The following RAB2B variants were observed in gnomAD, a reference collection of about 807,000 sequenced individuals.
RAB2B encodes the protein RAB2B, member RAS oncogene family.
RAB2B carries 20 observed loss-of-function variants against 29.8 expected under a neutral mutation model. The ratio of observed to expected loss-of-function variants is 0.67; its 90% CI spans 0.47 to 0.97. The LOEUF (loss-of-function observed/expected upper bound fraction) is 0.97. Ranked by LOEUF, RAB2B falls within the 50% of genes least tolerant of loss-of-function variation. The probability of loss-of-function intolerance (pLI) is 0.00; values close to 1 mark genes in which losing one functional copy is unlikely to be tolerated. For missense variants in RAB2B, 218 were observed against 272.0 expected, an observed-to-expected ratio of 0.80 and a Z score of 1.40; for synonymous variants, 93 against 91.7, an observed-to-expected ratio of 1.01 and a Z score of -0.08.
rs1384176481 is a variant in RAB2B, at chr14:21,459,032, A to C, written c.*2164T>G. 2 of 152,676 alleles carry C rather than the reference A, an allele frequency of 1.3e-5. No individual in the cohort carries two copies. Among genetic ancestry groups the C allele is most frequent in the Non-Finnish European group, 2.9e-5 (2 of 68,054 alleles). The allele number at this position is 152,676 out of a possible 1,614,324, so 9.5% of individuals were successfully genotyped here. On this transcript the variant is annotated 3_prime_UTR_variant, in exon 8 of 8. Transcript: ENST00000397762. ...CATGGAGTATGAATAGCTTTGATAC[A>C]TGCATATATTTAATAATGAAACAAT...
At chr14:21,463,582 A>C in intron 6 of RAB2B, 74 bp downstream of exon 6, 4 of 1,078,306 alleles carry the variant, frequency 3.7e-6, no homozygotes, top group Non-Finnish European at 5.7e-6. Flanking sequence ...TTATAGGAGA[A>C]GAGAATTCTG....
chr14:21,468,278 T>G, intron 5 of RAB2B, 79 bp downstream of exon 5: 3 of 1,155,640 alleles, frequency 2.6e-6, no homozygotes, highest in Non-Finnish European at 3.8e-6. Flanking sequence ...CACTATAAAC[T>G]GAGAAAGTTT....
At chr14:21,469,366 T>C (rs1371845997) in intron 3 of RAB2B, among the ~76,000 whole-genome samples, 1 of 152,202 alleles carries the variant, frequency 6.6e-6, no homozygotes, top group East Asian at 1.9e-4. Context: ...CAAGACTACC[T>C]AGATGTCCCT....
intron 2 of RAB2B, among the ~76,000 whole-genome samples, chr14:21,475,821 T>C (rs1890941073): frequency 1.3e-5 from 2 of 152,242 alleles, no homozygotes; most frequent in South Asian, 2.1e-4. Flanking sequence ...CAGGTTTCCA[T>C]ACAGGTGGGA....
chr14:21,464,741 T>G (rs994489963), intron 5 of RAB2B, among the ~76,000 whole-genome samples: 16 of 152,176 alleles, frequency 1.1e-4, no homozygotes, highest in Admixed American at 4.6e-4. Flanking sequence ...TGGTGGCTCA[T>G]GCCTATAATC....
Position 21,460,059 on chromosome 14 carries a change from G to C in RAB2B, c.*1137C>G. On this transcript the variant is annotated 3_prime_UTR_variant, in exon 8 of 8. Transcript: ENST00000397762. ...CACTAAGAGATAGAAGCTAATAATAGGATAGTAGAGAAGTACTCAGTGCTC... is the reference window on the plus strand; with the variant it reads ...CACTAAGAGATAGAAGCTAATAATACGATAGTAGAGAAGTACTCAGTGCTC... The C allele has an allele frequency of 2.1e-6, 1 of 473,462 alleles. No individual in the cohort carries two copies. The highest frequency in any genetic ancestry group is 3.4e-4 in the Middle Eastern group (1 of 2,934). The allele number at this position is 473,462 out of a possible 1,614,324, so 29.3% of individuals were successfully genotyped here. A position where few individuals can be genotyped will look rare whatever the true frequency, so the allele number is the denominator to read the frequency against.
At chr14:21,468,553 A>G in intron 4 of RAB2B, 104 bp from the exon 5 acceptor site, 1 of 1,311,950 alleles carries the variant, frequency 7.6e-7, no homozygotes, top group African/African-American at 1.5e-5. Context: ...GTAAAGAAAA[A>G]TATTAGAGAG....
At position 21,460,187 on chromosome 14, in the gene RAB2B, AG is replaced by A. The variant is rs759880857; in HGVS notation, c.*1008del. ...AAAACTCAATGAAATTCCGAGGCAG[AG>A]GATCTATCAACCAAAGGCCAACTAG... On this transcript the variant is annotated 3_prime_UTR_variant, in exon 8 of 8. Transcript: ENST00000397762. 1 of 519,046 alleles carries A rather than the reference AG, an allele frequency of 1.9e-6. No homozygotes were observed. The highest frequency in any genetic ancestry group is 3.8e-6 in the Non-Finnish European group (1 of 259,880). The allele number at this position is 519,046 out of a possible 1,614,324, so 32.2% of individuals were successfully genotyped here. A position where few individuals can be genotyped will look rare whatever the true frequency, so the allele number is the denominator to read the frequency against.
At chr14:21,462,067 G>A (rs1366013791) in intron 7 of RAB2B, among the ~76,000 whole-genome samples, 1 of 152,106 alleles carries the variant, frequency 6.6e-6, no homozygotes, top group Non-Finnish European at 1.5e-5. Flanking sequence ...TTCTAGAATA[G>A]TAAAAAACTG....
At chr14:21,470,278 A>C (rs909530528) in intron 3 of RAB2B, among the ~76,000 whole-genome samples, 1 of 152,092 alleles carries the variant, frequency 6.6e-6, no homozygotes, top group Non-Finnish European at 1.5e-5. Context: ...AAAATGGGGA[A>C]AATGAGGCTC....
At chr14:21,468,020 A>T (rs1235880577) in intron 5 of RAB2B, among the ~76,000 whole-genome samples, 1 of 151,966 alleles carries the variant, frequency 6.6e-6, no homozygotes, top group Non-Finnish European at 1.5e-5. Flanking sequence ...TTCATAAAGT[A>T]GAATGATGGC....
chr14:21,468,760 A>G lies in RAB2B; in HGVS notation c.187-8T>C, dbSNP rs1890742619. 5.3e-6 allele frequency: 8 copies of G among 1,513,456 alleles called. No individual in the cohort carries two copies. Among genetic ancestry groups the G allele is most frequent in the Non-Finnish European group, 7.1e-6 (8 of 1,130,458 alleles). The allele number at this position is 1,513,456 out of a possible 1,614,324, so 93.8% of individuals were successfully genotyped here. ...GAAGGATTCTTGCCCAGCCTTTCCC[A>G]CCAACATGGCAACAAAAAATCCCAA... On this transcript the variant is annotated splice_polypyrimidine_tract_variant and splice_region_variant and intron_variant, in intron 3 of 7. Transcript: ENST00000397762.
chr14:21,462,259 G>T, intron 7 of RAB2B, 91 bp downstream of exon 7: 21 of 919,656 alleles, frequency 2.3e-5, no homozygotes, highest in African/African-American at 7.0e-5. Flanking sequence ...TATAATGATA[G>T]ATGGGGAATG....
At chr14:21,475,879 G>C (rs1890944765) in intron 2 of RAB2B, among the ~76,000 whole-genome samples, 1 of 152,216 alleles carries the variant, frequency 6.6e-6, no homozygotes, top group East Asian at 1.9e-4. Context: ...GGTTTATTTA[G>C]AAACTGCATT....
chr14:21,463,308 G>C (rs547577590), intron 6 of RAB2B, among the ~76,000 whole-genome samples: 4 of 149,636 alleles, frequency 2.7e-5, no homozygotes, highest in Non-Finnish European at 4.4e-5. Flanking sequence ...GTGCAGTGGC[G>C]GGATCTCAGT....
rs376284486 is a variant in RAB2B at position 21,475,430 on chromosome 14, C to CTCTT, written c.119-497_119-496insAAGA. Among the ~76,000 whole-genome samples the CTCTT allele has an allele frequency of 4.2e-4, 55 of 129,504 alleles. 1 individual carries two copies. The East Asian group carries it at 0.012, about 28-fold the overall frequency. 85.0% of individuals were successfully genotyped at this position (129,504 alleles called of 152,430 possible). A position where few individuals can be genotyped will look rare whatever the true frequency, so the allele number is the denominator to read the frequency against. ...AAGAAATAGGTTCTCAGAAACAATACTTTTTTTTTTTTTTTTTTGAGATGG... is the reference window on the plus strand; with the variant it reads ...AAGAAATAGGTTCTCAGAAACAATACTCTTTTTTTTTTTTTTTTTTTTGAGATGG... On this transcript the variant is annotated intron_variant, in intron 2 of 7. Transcript: ENST00000397762.
intron 2 of RAB2B, among the ~76,000 whole-genome samples, chr14:21,475,143 A>G (rs1890915882): frequency 6.6e-6 from 1 of 152,216 alleles, no homozygotes; most frequent in African/African-American, 2.4e-5. Flanking sequence ...ATTGTGCTCA[A>G]TGACCTCAGG....
In RAB2B at chr14:21,472,676, T is replaced by A. The variant is rs561586773; in HGVS notation, c.186+2191A>T. Among the ~76,000 whole-genome samples, 13 of 152,360 alleles carry A rather than the reference T, an allele frequency of 8.5e-5. No homozygotes were observed. In the East Asian group the frequency reaches 2.3e-3, roughly 27 times the overall value. The stretch of plus-strand genomic sequence containing the variant: ...ACAGAAAAGAACTAGGCCAGTTGGA[T>A]GACCATGTAGTTCTTAAGGATTCTG... On this transcript the variant is annotated intron_variant, in intron 3 of 7. Transcript: ENST00000397762.
rs945136609 is a variant in RAB2B, at chr14:21,459,432, C to T, written c.*1764G>A. On this transcript the variant is annotated 3_prime_UTR_variant, in exon 8 of 8. Transcript: ENST00000397762. ...GTTTCCTTGAAAGTCTAAAATAAAC[C>T]TTAAGTTTTTAACTATGTCAGTCAA... The T allele has an allele frequency of 6.6e-6, 1 of 151,592 alleles. No individual in the cohort carries two copies. The highest frequency in any genetic ancestry group is 2.4e-5 in the African/African-American group (1 of 40,946). 9.4% of individuals were successfully genotyped at this position (151,592 alleles called of 1,614,324 possible). A position where few individuals can be genotyped will look rare whatever the true frequency, so the allele number is the denominator to read the frequency against.
Sources: allele counts gnomAD v4.1 joint callset (sites outside exome capture counted in the v4.1 genomes callset), GRCh38; gene constraint gnomAD v4.1.1; transcripts MANE v1.5; gene names NCBI Gene and HGNC (gene_info 2026-07-23, HGNC 2026-07-21).